The following MIPOL1 variants were observed in gnomAD, a reference collection of about 807,000 sequenced individuals.
The protein encoded by MIPOL1 is mirror-image polydactyly gene 1 protein.
Under a neutral mutation model 60.9 loss-of-function variants are expected in MIPOL1, and 57 were observed. That is an observed-to-expected ratio of 0.94 (90% CI 0.76 to 1.17). MIPOL1 has a LOEUF of 1.17. Among genes scored for constraint, MIPOL1 ranks in the 50% most tolerant of loss-of-function variants. MIPOL1 has a pLI of 0.00. For synonymous variants in MIPOL1, 179 were observed against 168.8 expected (o/e 1.06, Z -0.47); for missense variants, 551 against 511.6 (o/e 1.08, Z -0.74).
At chr14:37,206,520 A>G (rs1966120225) in intron 1 of MIPOL1, among the ~76,000 whole-genome samples, 1 of 152,192 alleles carries the variant, frequency 6.6e-6, no homozygotes, top group Admixed American at 6.5e-5. Context: ...TCCCCCACAC[A>G]AAGTCCCTAC....
rs769461959 is a variant in MIPOL1, at chr14:37,206,296, C to T, written c.-199+8192C>T. Among the ~76,000 whole-genome samples the T allele has an allele frequency of 6.2e-4, 95 of 152,218 alleles. 1 individual carries two copies. Among genetic ancestry groups the T allele is most frequent in the Non-Finnish European group, 1.9e-4 (13 of 68,038 alleles). On this transcript the variant is annotated intron_variant, in intron 1 of 12. Transcript: ENST00000684589. ...GGCCAATGTAGAGCTCAGGCCATGG[C>T]TTCAGAGTGCGCAGGCCCGAAGCCT...
intron 1 of MIPOL1, among the ~76,000 whole-genome samples, chr14:37,234,364 T>TTC (rs1971100646): frequency 6.6e-6 from 1 of 151,266 alleles, no homozygotes; most frequent in African/African-American, 2.4e-5. Flanking sequence ...TTCTTTTCTT[T>TTC]TTTTTTTTTT....
chr14:37,392,473 TAC>T (rs1189300686), intron 10 of MIPOL1, among the ~76,000 whole-genome samples: 1 of 152,198 alleles, frequency 6.6e-6, no homozygotes, highest in Non-Finnish European at 1.5e-5. Context: ...CATCTACAAA[TAC>T]AGACATTTGT....
intron 11 of MIPOL1, among the ~76,000 whole-genome samples, chr14:37,490,241 G>A (rs906423786): frequency 2.6e-5 from 4 of 152,178 alleles, no homozygotes; most frequent in Non-Finnish European, 4.4e-5. Flanking sequence ...CTGTGGCTTT[G>A]TTTACACTGT....
intron 1 of MIPOL1, among the ~76,000 whole-genome samples, chr14:37,230,273 T>A (rs1970420153): frequency 6.6e-6 from 1 of 152,154 alleles, no homozygotes; most frequent in South Asian, 2.1e-4. Context: ...GACTAAAAAT[T>A]TTCACCGAAT....
In MIPOL1 at chr14:37,530,904, G is replaced by A. The variant is rs141453520; in HGVS notation, c.1263-16001G>A. On this transcript the variant is annotated intron_variant, in intron 12 of 12. Transcript: ENST00000684589. The stretch of plus-strand genomic sequence containing the variant: ...ATGATCCCGGCTCACTGCAACCTCC[G>A]CCTCCCGAGTTCAAGCAATTCTCCT... Among the ~76,000 whole-genome samples, 1,470 of 151,476 alleles carry A rather than the reference G, an allele frequency of 9.7e-3. 10 individuals are homozygous for A. The highest frequency in any genetic ancestry group is 0.015 in the Non-Finnish European group (1,006 of 67,864).
intron 9 of MIPOL1, among the ~76,000 whole-genome samples, chr14:37,325,471 C>T (rs1006234658): frequency 6.6e-6 from 1 of 151,476 alleles, no homozygotes; most frequent in Non-Finnish European, 1.5e-5. Context: ...TATTTTATTT[C>T]TTTTCTTTCC....
intron 11 of MIPOL1, among the ~76,000 whole-genome samples, chr14:37,452,524 C>A (rs189976191): frequency 3.3e-5 from 5 of 152,252 alleles, no homozygotes; most frequent in East Asian, 3.9e-4. Flanking sequence ...GTAGGTGGGG[C>A]AGCTGTACTA....
intron 9 of MIPOL1, among the ~76,000 whole-genome samples, chr14:37,359,137 T>C (rs773598869): frequency 6.6e-6 from 1 of 152,180 alleles, no homozygotes; most frequent in South Asian, 2.1e-4. Context: ...GAAGACCAAA[T>C]GGTTGTAGGT....
At chr14:37,364,182 T>G (rs577868078) in intron 9 of MIPOL1, among the ~76,000 whole-genome samples, 5 of 152,302 alleles carry the variant, frequency 3.3e-5, no homozygotes, top group African/African-American at 1.2e-4. Flanking sequence ...CTGGGTACTT[T>G]AGTTGGAAAT....
At chr14:37,480,410 C>T (rs2094844583) in intron 11 of MIPOL1, among the ~76,000 whole-genome samples, 1 of 151,836 alleles carries the variant, frequency 6.6e-6, no homozygotes, top group Non-Finnish European at 1.5e-5. Flanking sequence ...CAAATCAATA[C>T]ATTTGATACA....
At chr14:37,207,270 C>T (rs1033600576) in intron 1 of MIPOL1, among the ~76,000 whole-genome samples, 1 of 151,820 alleles carries the variant, frequency 6.6e-6, no homozygotes, top group Non-Finnish European at 1.5e-5. Context: ...TTTATAGAAC[C>T]CTTTCGCTTG....
In MIPOL1 at chr14:37,308,365, T is replaced by G; in HGVS notation, c.674T>G (p.Leu225Arg). The G allele has an allele frequency of 1.3e-6, 2 of 1,561,354 alleles. No individual in the cohort carries two copies. The highest frequency in any genetic ancestry group is 1.4e-5 in the African/African-American group (1 of 72,808). ...TGTTGGTAGACATTACAGGAATTAC[T>G]GAACAGAATAAACAATGCAGACACA... ...EENDMTLQELLNRINNADTGI... is the reference protein window; with the variant it reads ...EENDMTLQELRNRINNADTGI... The change falls in exon 9 of 13, where the codon CTG becomes CGG. Residue 225 changes from leucine to arginine, a missense_variant. Physicochemically the swap from Leu to Arg is moderately radical, Grantham distance 102. Transcript: ENST00000684589.
Position 37,267,011 on chromosome 14 carries a change from T to C in MIPOL1, c.93T>C (p.Thr31=), listed in dbSNP as rs368172730. Residue 31 remains threonine (T), a synonymous_variant, in exon 4 of 13, where the codon ACT becomes ACC. Transcript: ENST00000684589. ...GTACGCAGCCAGATGAGCAACTGAC[T>C]ATGAATTCTGAGAAAAGTATGCATC... The part of the protein sequence containing the change: ...NKSTQPDEQL[T]MNSEKSMHRK... The C allele has an allele frequency of 4.3e-6, 7 of 1,613,804 alleles. No homozygotes were observed. The African/African-American group carries it at 9.3e-5, about 22-fold the overall frequency.
At chr14:37,216,079 A>G (rs1567020536) in intron 1 of MIPOL1, among the ~76,000 whole-genome samples, 1 of 136,522 alleles carries the variant, frequency 7.3e-6, no homozygotes, top group East Asian at 2.0e-4. Context: ...AAAAAAAAAA[A>G]GAAAGAAAAG....
intron 11 of MIPOL1, among the ~76,000 whole-genome samples, chr14:37,484,572 G>A (rs896096958): frequency 4.6e-5 from 7 of 151,788 alleles, no homozygotes; most frequent in Non-Finnish European, 1.0e-4. Flanking sequence ...TCTTGACCTC[G>A]TGATCCGCCC....
chr14:37,362,742 C>T (rs887094447), intron 9 of MIPOL1, among the ~76,000 whole-genome samples: 1 of 152,186 alleles, frequency 6.6e-6, no homozygotes, highest in African/African-American at 2.4e-5. Context: ...CTTTCCGGTA[C>T]ACCAATCAAA....
At chr14:37,249,039 CAGAT>C (rs756447483) in intron 3 of MIPOL1, among the ~76,000 whole-genome samples, 8 of 151,560 alleles carry the variant, frequency 5.3e-5, no homozygotes, top group South Asian at 2.1e-4. Flanking sequence ...GACGGACAGT[CAGAT>C]AGATAAGAGC....
intron 9 of MIPOL1, among the ~76,000 whole-genome samples, chr14:37,356,873 C>T (rs2091884236): frequency 6.6e-6 from 1 of 152,322 alleles, no homozygotes; most frequent in African/African-American, 2.4e-5. Flanking sequence ...TCTTCCCCGT[C>T]GGCCACGCTG....
Sources: allele counts gnomAD v4.1 joint callset (sites outside exome capture counted in the v4.1 genomes callset), GRCh38; gene constraint gnomAD v4.1.1; transcripts MANE v1.5; gene names NCBI Gene and HGNC (gene_info 2026-07-23, HGNC 2026-07-21).